ANK3: variants seen among roughly 807,000 people sequenced by gnomAD.
The protein encoded by ANK3 is ankyrin-3.
A neutral mutation model predicts 370.9 loss-of-function variants in ANK3; 57 were observed. The ratio of observed to expected loss-of-function variants is 0.15; its 90% CI spans 0.12 to 0.19. The LOEUF (loss-of-function observed/expected upper bound fraction) is 0.19, where lower values mean the gene tolerates loss of function less well. ANK3 is among the 10% of genes least tolerant of loss of function. ANK3 has a pLI of 1.00. For synonymous variants in ANK3, 1,929 were observed against 1,946.3 expected, an observed-to-expected ratio of 0.99 and a Z score of 0.23; for missense variants, 4,439 against 5,302.1, an observed-to-expected ratio of 0.84 and a Z score of 5.06.
At chr10:60,421,860 C>T (rs1281571930) in intron 2 of ANK3, among the ~76,000 whole-genome samples, 1 of 152,012 alleles carries the variant, frequency 6.6e-6, no homozygotes, top group Non-Finnish European at 1.5e-5. Flanking sequence ...GTATTCAAAA[C>T]CTACAGGCTT....
intron 1 of ANK3, among the ~76,000 whole-genome samples, chr10:60,354,650 T>C (rs1411027891): frequency 6.6e-6 from 1 of 152,126 alleles, no homozygotes; most frequent in East Asian, 1.9e-4. Context: ...AAAGAACATA[T>C]AACATAAAAA....
intron 2 of ANK3, among the ~76,000 whole-genome samples, chr10:60,433,339 A>G (rs904110777): frequency 6.6e-5 from 10 of 152,110 alleles, no homozygotes; most frequent in Non-Finnish European, 8.8e-5. Flanking sequence ...TTACTGCAAG[A>G]TCTTAGAATA....
At chr10:60,621,023 A>C (rs1426414075) in intron 1 of ANK3, among the ~76,000 whole-genome samples, 1 of 152,202 alleles carries the variant, frequency 6.6e-6, no homozygotes, top group Non-Finnish European at 1.5e-5. Context: ...CAAAGACAGC[A>C]TTCAAACCCA....
chr10:60,173,942 T>C (rs1214691919), intron 18 of ANK3, among the ~76,000 whole-genome samples: 1 of 152,184 alleles, frequency 6.6e-6, no homozygotes, highest in Non-Finnish European at 1.5e-5. Flanking sequence ...TCCAGATCCT[T>C]CTCTAGATGG....
chr10:60,651,727 T>C (rs1036139082), intron 1 of ANK3, among the ~76,000 whole-genome samples: 4 of 152,148 alleles, frequency 2.6e-5, no homozygotes, highest in African/African-American at 9.7e-5. Flanking sequence ...AATGAGAGTA[T>C]CTACTTTGTT....
At chr10:60,559,284 T>C (rs2077281261) in intron 2 of ANK3, among the ~76,000 whole-genome samples, 1 of 152,172 alleles carries the variant, frequency 6.6e-6, no homozygotes, top group Non-Finnish European at 1.5e-5. Context: ...TTCCCCAGTG[T>C]CCCCAGAGTC....
chr10:60,047,043 G>A (rs756993142), intron 42 of ANK3, among the ~76,000 whole-genome samples: 7 of 152,070 alleles, frequency 4.6e-5, no homozygotes, highest in Non-Finnish European at 1.0e-4. Context: ...TCCTGACCTC[G>A]TGATCCACCC....
intron 2 of ANK3, among the ~76,000 whole-genome samples, chr10:60,429,002 C>A (rs1327280114): frequency 1.4e-5 from 2 of 147,094 alleles, no homozygotes; most frequent in African/African-American, 5.3e-5. Context: ...ATATAAATAA[C>A]TTATGTATTT....
intron 1 of ANK3, among the ~76,000 whole-genome samples, chr10:60,707,698 C>A (rs1262452301): frequency 3.3e-5 from 5 of 151,622 alleles, no homozygotes; most frequent in Non-Finnish European, 5.9e-5. Context: ...GAAATAATTT[C>A]TTGCATATTA....
chr10:60,475,378 G>T (rs1379824211), intron 2 of ANK3, among the ~76,000 whole-genome samples: 1 of 152,102 alleles, frequency 6.6e-6, no homozygotes, highest in African/African-American at 2.4e-5. Context: ...ATAGACAAGT[G>T]TTGCATTTCC....
At chr10:60,176,998 C>T (rs999905845) in intron 18 of ANK3, among the ~76,000 whole-genome samples, 1 of 152,132 alleles carries the variant, frequency 6.6e-6, no homozygotes, top group African/African-American at 2.4e-5. Context: ...TGTTCCAGCT[C>T]ATCCTCCCTA....
chr10:60,670,720 C>G (rs1212312867), intron 1 of ANK3, among the ~76,000 whole-genome samples: 1 of 152,116 alleles, frequency 6.6e-6, no homozygotes, highest in East Asian at 1.9e-4. Context: ...AGCAGGGACA[C>G]GATATTTAGT....
intron 1 of ANK3, among the ~76,000 whole-genome samples, chr10:60,340,131 C>T (rs1349571331): frequency 2.0e-5 from 3 of 152,140 alleles, no homozygotes; most frequent in Non-Finnish European, 2.9e-5. Context: ...GTTGCCCAGG[C>T]TAGGGTGCTC....
At chr10:60,527,314 T>G (rs1325900716) in intron 2 of ANK3, among the ~76,000 whole-genome samples, 1 of 152,106 alleles carries the variant, frequency 6.6e-6, no homozygotes, top group African/African-American at 2.4e-5. Flanking sequence ...CCAGATCTCT[T>G]CAACATGCTT....
chr10:60,684,335 T>C (rs7912169), intron 1 of ANK3, among the ~76,000 whole-genome samples: 1,817 of 152,294 alleles, frequency 0.012, 36 homozygotes, highest in African/African-American at 0.041. Context: ...CATGCCTCCC[T>C]GGTGCCAGCG....
chr10:60,511,321 G>A (rs193264711), intron 2 of ANK3, among the ~76,000 whole-genome samples: 5 of 152,126 alleles, frequency 3.3e-5, no homozygotes, highest in Admixed American at 2.6e-4. Context: ...ACTTTTAGCC[G>A]TGAAAGGATA....
In ANK3 at chr10:60,409,506, GT is replaced by G. The variant is rs1349028726; in HGVS notation, c.97-129868del. On this transcript the variant is annotated intron_variant, in intron 2 of 43. Coordinates refer to the ANK3 transcript ENST00000373827. ...TGGCTGATTCACTTTCCACTGGTTAGTTTTTTAAAAAAAGAAAATGAAGCTT... is the reference window on the plus strand; with the variant it reads ...TGGCTGATTCACTTTCCACTGGTTAGTTTTTAAAAAAAGAAAATGAAGCTT... Among the ~76,000 whole-genome samples, 4 of 152,246 alleles carry G rather than the reference GT, an allele frequency of 2.6e-5. No individual in the cohort carries two copies. In the East Asian group the frequency reaches 5.8e-4, roughly 22 times the overall value.
Position 60,172,291 on chromosome 10 carries a change from C to G in ANK3, c.2478+17G>C. On this transcript the variant is annotated intron_variant, in intron 21 of 43. Transcript: ENST00000280772. The stretch of plus-strand genomic sequence containing the variant: ...AGCTGGCTCCTAGGGTAACAAGGTT[C>G]TGCATTCCTTACTTACAGTTGTGGT... 1 of 1,602,272 alleles carries G rather than the reference C, an allele frequency of 6.2e-7. No homozygotes were observed. The highest frequency in any genetic ancestry group is 8.5e-7 in the Non-Finnish European group (1 of 1,169,594).
chr10:60,452,243 C>G (rs2064625706), intron 2 of ANK3, among the ~76,000 whole-genome samples: 1 of 152,214 alleles, frequency 6.6e-6, no homozygotes, highest in South Asian at 2.1e-4. Flanking sequence ...TTTCAAGGAA[C>G]TGTTTCTTGG....
Sources: gnomAD v4.1 joint callset for allele counts (sites outside exome capture counted in the v4.1 genomes callset) on GRCh38, gnomAD v4.1.1 for gene constraint, MANE v1.5 for transcripts, NCBI Gene and HGNC (gene_info 2026-07-23, HGNC 2026-07-21) for gene names.